Variants in PHLPP1 observed in about 807,000 individuals in gnomAD.
PHLPP1 encodes the protein PH domain and leucine rich repeat protein phosphatase 1, also known as PH domain leucine-rich repeat-containing protein phosphatase 1.
Under a neutral mutation model 117.2 loss-of-function variants are expected in PHLPP1, and 42 were observed. The ratio of observed to expected loss-of-function variants is 0.36; its 90% CI spans 0.28 to 0.46. PHLPP1 has a LOEUF of 0.46. Ranked by LOEUF, PHLPP1 falls within the 20% of genes least tolerant of loss-of-function variation. The pLI is 1.00. For synonymous variants in PHLPP1, 1,042 were observed against 970.7 expected, an observed-to-expected ratio of 1.07 and a Z score of -1.37; for missense variants, 2,084 against 2,241.9, an observed-to-expected ratio of 0.93 and a Z score of 1.42.
intron 10 of PHLPP1, among the ~76,000 whole-genome samples, chr18:62,933,219 A>G (rs1375574035): frequency 6.6e-6 from 1 of 152,188 alleles, no homozygotes; most frequent in African/African-American, 2.4e-5. Flanking sequence ...TGTAATTCCT[A>G]TCAAACTACC....
At chr18:62,977,135 C>G (rs1284140802) in intron 16 of PHLPP1, among the ~76,000 whole-genome samples, 1 of 152,080 alleles carries the variant, frequency 6.6e-6, no homozygotes, top group African/African-American at 2.4e-5. Flanking sequence ...ACTAATTTTA[C>G]TAATAGGAAT....
chr18:62,847,156 C>A (rs1915202315), intron 3 of PHLPP1, among the ~76,000 whole-genome samples: 1 of 152,126 alleles, frequency 6.6e-6, no homozygotes, highest in South Asian at 2.1e-4. Flanking sequence ...TAGACTATTA[C>A]CATTTTAAAT....
Position 62,891,503 on chromosome 18 carries a change from G to T in PHLPP1, c.2067-3508G>T, listed in dbSNP as rs559895652. Among the ~76,000 whole-genome samples, 12 of 152,128 alleles carry T rather than the reference G, an allele frequency of 7.9e-5. No homozygotes were observed. The East Asian group carries it at 2.3e-3, about 29-fold the overall frequency. On this transcript the variant is annotated intron_variant, in intron 4 of 16. Transcript: ENST00000262719. The stretch of plus-strand genomic sequence containing the variant: ...CCTGGGAGGCTGAGGCAGGAGAATT[G>T]CAACCCAGGAGGTGGAGGTTGCAGT...
chr18:62,972,684 T>C lies in PHLPP1; in HGVS notation c.3731T>C (p.Val1244Ala), dbSNP rs957653881. The C allele has an allele frequency of 2.3e-5, 37 of 1,612,868 alleles. 1 individual carries two copies. The African/African-American group carries it at 2.7e-4, about 12-fold the overall frequency. The change falls in exon 15 of 17, where the codon GTC becomes GCC. Residue 1244 changes from valine (V) to alanine (A), a missense_variant. Val to Ala is a moderately conservative substitution (Grantham distance 64). This residue lies in a region of PHLPP1 where 1,365 missense variants were observed against 1,605.9 expected (regional missense o/e 0.85). Coordinates refer to ENST00000262719, the MANE Select transcript of PHLPP1 (RefSeq NM_194449.4). ...QKTKNEEEYM[V>A]NTFIVMQRKL... ...ACAAAAAACGAAGAAGAATACATGG[T>C]CAATACATTCATTGTCATGCAAAGG... is the stretch of plus-strand genomic sequence containing the variant.
chr18:62,898,013 C>CTCTTCT (rs780784875), intron 6 of PHLPP1, among the ~76,000 whole-genome samples: 3,159 of 68,184 alleles, frequency 0.046, 65 homozygotes, highest in South Asian at 0.14. Context: ...AATTCCTCCT[C>CTCTTCT]CCTTCTCCTC....
In PHLPP1 at chr18:62,945,225, A is replaced by C. The variant is rs138921683; in HGVS notation, c.3278A>C (p.Asn1093Thr). Residue 1093 changes from asparagine (N) to threonine (T), a missense_variant, in exon 12 of 17, where the codon AAC becomes ACC. Asn to Thr is a moderately conservative substitution (Grantham distance 65). Coordinates refer to ENST00000262719, the MANE Select transcript of PHLPP1 (RefSeq NM_194449.4). ...ATGCACACCGTGATTGCTCACTCCAACTGCATCGAGGTCTTTCCCGAAGTT... is the reference window on the plus strand; with the variant it reads ...ATGCACACCGTGATTGCTCACTCCACCTGCATCGAGGTCTTTCCCGAAGTT... ...RRMHTVIAHS[N>T]CIEVFPEVMQ... The C allele has an allele frequency of 8.7e-6, 14 of 1,611,256 alleles. No homozygotes were observed. Among genetic ancestry groups the C allele is most frequent in the Admixed American group, 3.4e-5 (2 of 59,462 alleles).
At chr18:62,842,140 A>G (rs561969678) in intron 3 of PHLPP1, among the ~76,000 whole-genome samples, 1 of 152,300 alleles carries the variant, frequency 6.6e-6, no homozygotes, top group South Asian at 2.1e-4. Context: ...TAATTTTATG[A>G]TGGTCATCCT....
At chr18:62,731,498 T>C (rs1911226951) in intron 1 of PHLPP1, among the ~76,000 whole-genome samples, 1 of 152,176 alleles carries the variant, frequency 6.6e-6, no homozygotes, top group South Asian at 2.1e-4. Context: ...CCCATCTTTT[T>C]CCCTCTCCTG....
chr18:62,787,062 C>T (rs1913310515), intron 1 of PHLPP1, among the ~76,000 whole-genome samples: 1 of 152,108 alleles, frequency 6.6e-6, no homozygotes. Flanking sequence ...CGGAGTCTCA[C>T]TTTGTCGCCC....
chr18:62,753,917 T>A (rs993312306), intron 1 of PHLPP1, among the ~76,000 whole-genome samples: 3 of 152,226 alleles, frequency 2.0e-5, no homozygotes, highest in Non-Finnish European at 4.4e-5. Flanking sequence ...CTATTGCTTT[T>A]CCTTGAAGTC....
chr18:62,927,365 A>G (rs1909664477), intron 10 of PHLPP1, among the ~76,000 whole-genome samples: 1 of 152,214 alleles, frequency 6.6e-6, no homozygotes, highest in African/African-American at 2.4e-5. Flanking sequence ...AAAACAACAT[A>G]TGTCCACTGT....
At chr18:62,953,376 C>T (rs977261844) in intron 12 of PHLPP1, among the ~76,000 whole-genome samples, 5 of 152,198 alleles carry the variant, frequency 3.3e-5, no homozygotes, top group African/African-American at 4.8e-5. Context: ...TTCTTGTCTC[C>T]TTCCTGCTGT....
At chr18:62,720,204 G>C (rs1355251891) in intron 1 of PHLPP1, among the ~76,000 whole-genome samples, 1 of 152,062 alleles carries the variant, frequency 6.6e-6, no homozygotes, top group African/African-American at 2.4e-5. Flanking sequence ...AAGGTTGCTC[G>C]ACATAAGTTA....
At chr18:62,957,482 G>A (rs1192062222) in intron 12 of PHLPP1, among the ~76,000 whole-genome samples, 1 of 151,940 alleles carries the variant, frequency 6.6e-6, no homozygotes, top group African/African-American at 2.4e-5. Context: ...GATTAGGCAG[G>A]CTTACCTGCT....
intron 2 of PHLPP1, among the ~76,000 whole-genome samples, chr18:62,832,569 A>G (rs988865927): frequency 1.3e-5 from 2 of 152,196 alleles, no homozygotes; most frequent in African/African-American, 2.4e-5. Context: ...CCACTGAGTG[A>G]ATTGAAAGTT....
At chr18:62,838,991 A>G in intron 3 of PHLPP1, 82 bp downstream of exon 3, 3 of 1,456,258 alleles carry the variant, frequency 2.1e-6, no homozygotes, top group Non-Finnish European at 2.8e-6. Context: ...GGTCTAAAAT[A>G]TGGTTAGTTA....
At chr18:62,898,690 T>C (rs958440696) in intron 6 of PHLPP1, among the ~76,000 whole-genome samples, 1 of 152,214 alleles carries the variant, frequency 6.6e-6, no homozygotes, top group Non-Finnish European at 1.5e-5. Context: ...TTAAGACTAA[T>C]ATTTTAGTAA....
At chr18:62,944,361 T>C (rs1282667586) in intron 11 of PHLPP1, among the ~76,000 whole-genome samples, 1 of 152,244 alleles carries the variant, frequency 6.6e-6, no homozygotes, top group African/African-American at 2.4e-5. Context: ...TAATTATTGA[T>C]GAAGATTATA....
intron 1 of PHLPP1, 109 bp downstream of exon 1, chr18:62,717,368 A>G: frequency 7.1e-7 from 1 of 1,411,190 alleles, no homozygotes; most frequent in African/African-American, 1.4e-5. Context: ...GCGGGTCCTG[A>G]TGAGTCTTTG....
Sources: gnomAD v4.1 joint callset for allele counts (sites outside exome capture counted in the v4.1 genomes callset) on GRCh38, gnomAD v4.1.1 for gene constraint, gnomAD v4.1.1 regional missense constraint, MANE v1.5 for transcripts, NCBI Gene and HGNC (gene_info 2026-07-23, HGNC 2026-07-21) for gene names.